The following KMT5B variants were observed in gnomAD, a reference collection of about 807,000 sequenced individuals.
KMT5B encodes the protein lysine methyltransferase 5B.
Under a neutral mutation model 83.2 loss-of-function variants are expected in KMT5B, and 10 were observed. The ratio of observed to expected loss-of-function variants is 0.12; its 90% confidence interval spans 0.07 to 0.20. The LOEUF is 0.20. Ranked by LOEUF, KMT5B falls within the 10% of genes least tolerant of loss-of-function variation. The pLI, the probability that KMT5B is intolerant of heterozygous loss-of-function variation, is 1.00. For missense variants in KMT5B, 753 were observed against 1,067.2 expected (o/e 0.71, Z 4.10); for synonymous variants, 349 against 388.8 (o/e 0.90, Z 1.20).
At chr11:68,202,614 T>G (rs1310910262) in intron 1 of KMT5B, among the ~76,000 whole-genome samples, 1 of 142,142 alleles carries the variant, frequency 7.0e-6, no homozygotes, top group Non-Finnish European at 1.5e-5. Flanking sequence ...AGTGGCTCAA[T>G]CTCAGCTCAC....
intron 1 of KMT5B, among the ~76,000 whole-genome samples, chr11:68,209,805 T>C (rs1860641456): frequency 6.6e-6 from 1 of 152,070 alleles, no homozygotes; most frequent in South Asian, 2.1e-4. Flanking sequence ...GAGCCACGTG[T>C]ACCACCTAGA....
At position 68,175,107 on chromosome 11, in the gene KMT5B, T is replaced by C; in HGVS notation, c.454A>G (p.Lys152Glu). Residue 152 changes from lysine to glutamate, a missense_variant, in exon 5 of 11, where the codon AAA becomes GAA. Around this residue, in one of 9 missense-constraint regions of KMT5B, gnomAD observed 71 missense variants for 107.0 expected, o/e 0.66. Coordinates refer to ENST00000304363, the MANE Select transcript of KMT5B (RefSeq NM_017635.5). ...ERFKKDEHLE[K>E]AFKCLTSGEW... ...CCTGAAGTCAAACATTTGAAGGCTT[T>C]CTCCAAGTGTTCATCTTTCTTAAAA... 6.2e-7 allele frequency: 1 copy of C among 1,613,908 alleles called. No homozygotes were observed. Among genetic ancestry groups the C allele is most frequent in the Non-Finnish European group, 8.5e-7 (1 of 1,179,766 alleles).
At chr11:68,204,084 A>C (rs1859771989) in intron 1 of KMT5B, among the ~76,000 whole-genome samples, 2 of 152,178 alleles carry the variant, frequency 1.3e-5, no homozygotes, top group Admixed American at 1.3e-4. Context: ...CCAAGAGAAT[A>C]GCGTCTGAAG....
chr11:68,200,755 A>T (rs1237578574), intron 1 of KMT5B, among the ~76,000 whole-genome samples: 2 of 152,232 alleles, frequency 1.3e-5, no homozygotes, highest in African/African-American at 4.8e-5. Context: ...TCTGAGTAGG[A>T]AAACGAAGTG....
At chr11:68,197,749 T>C (rs1248695744) in intron 1 of KMT5B, among the ~76,000 whole-genome samples, 3 of 152,212 alleles carry the variant, frequency 2.0e-5, no homozygotes, top group African/African-American at 4.8e-5. Flanking sequence ...TCACAGAACA[T>C]GGCTAAATTT....
chr11:68,195,747 CAGTA>C lies in KMT5B; in HGVS notation c.-76-5599_-76-5596del, dbSNP rs539833330. ...AACATTTTTTTTACTATGTTGTGAC[CAGTA>C]ATTTTTTTTAAATGAAAGAACACAG... On this transcript the variant is annotated intron_variant, in intron 1 of 10. Transcript: ENST00000304363. Among the ~76,000 whole-genome samples the C allele has an allele frequency of 4.0e-4, 61 of 152,168 alleles. 1 individual carries two copies. The highest frequency in any genetic ancestry group is 1.4e-3 in the African/African-American group (59 of 41,500).
intron 1 of KMT5B, among the ~76,000 whole-genome samples, chr11:68,211,109 G>A (rs567091330): frequency 1.2e-4 from 19 of 152,234 alleles, no homozygotes; most frequent in African/African-American, 4.6e-4. Context: ...AGGAAAATCA[G>A]ATTCAACCTC....
rs747527674 is a variant in KMT5B at position 68,189,972 on chromosome 11, C to T, written c.105G>A (p.Thr35=). 3.7e-6 allele frequency: 6 copies of T among 1,614,022 alleles called. No homozygotes were observed. Among genetic ancestry groups the T allele is most frequent in the African/African-American group, 2.7e-5 (2 of 74,894 alleles). The change falls in exon 2 of 11, where the codon ACG becomes ACA. Residue 35 remains threonine, a synonymous_variant. Transcript: ENST00000304363. Reference sequence around the variant, plus strand: ...TGCCAGCCTTCAGGGTGTCCTTCCCCGTGTGCTGTAATTTTGATTGATTCT... The same window carrying T: ...TGCCAGCCTTCAGGGTGTCCTTCCCTGTGTGCTGTAATTTTGATTGATTCT... ...HQQNQSKLQH[T]GKDTLKAGKN... is the part of the protein sequence containing the mutation.
At position 68,158,717 on chromosome 11, in the gene KMT5B, C is replaced by A; in HGVS notation, c.1629G>T (p.Arg543Ser). The A allele has an allele frequency of 6.2e-7, 1 of 1,614,082 alleles. No homozygotes were observed. ...AGGCCTCCTTCAGATTTGTTCTTGT[C>A]CTCACTGACCGCCGAGTTATGTAGG... ...PCTYITRRSV[R>S]TRTNLKEASD... Residue 543 changes from arginine (R) to serine (S), a missense_variant, in exon 11 of 11, where the codon AGG (arginine) becomes AGT (serine). Arg to Ser is a moderately radical substitution (Grantham distance 110). Around this residue, in one of 9 missense-constraint regions of KMT5B, gnomAD observed 397 missense variants for 395.9 expected, o/e 1.00. Transcript: ENST00000304363.
At chr11:68,168,480 C>A (rs1205034101) in intron 9 of KMT5B, among the ~76,000 whole-genome samples, 1 of 151,926 alleles carries the variant, frequency 6.6e-6, no homozygotes, top group Non-Finnish European at 1.5e-5. Flanking sequence ...GAATTATAGG[C>A]GCGCACCACC....
chr11:68,179,861 T>G (rs1200791650), intron 4 of KMT5B: 1 of 416,792 alleles, frequency 2.4e-6, no homozygotes, highest in Admixed American at 3.9e-5. Context: ...AAAACATACC[T>G]GGCTGAGTCC....
chr11:68,204,298 A>G (rs1372515910), intron 1 of KMT5B, among the ~76,000 whole-genome samples: 1 of 152,218 alleles, frequency 6.6e-6, no homozygotes, highest in Non-Finnish European at 1.5e-5. Context: ...GCTACCTTAT[A>G]AGGAAAATGG....
chr11:68,189,682 GTAAC>G (rs1417540461), intron 2 of KMT5B: 1 of 351,336 alleles, frequency 2.8e-6, no homozygotes, highest in East Asian at 4.9e-5. Flanking sequence ...AAAATATAAA[GTAAC>G]AGACAGAAAA....
chr11:68,202,803 T>C (rs371327132), intron 1 of KMT5B, among the ~76,000 whole-genome samples: 1 of 152,058 alleles, frequency 6.6e-6, no homozygotes, highest in East Asian at 1.9e-4. Context: ...CACCTCGGCC[T>C]CCCAAAGTAC....
At chr11:68,164,655 G>A (rs1382068654) in intron 10 of KMT5B, 1 of 514,334 alleles carries the variant, frequency 1.9e-6, no homozygotes, top group South Asian at 1.4e-5. Flanking sequence ...TAGTCATACT[G>A]ATCCTTGGAT....
At chr11:68,174,162 T>C (rs1332558179) in intron 5 of KMT5B, 4 of 580,526 alleles carry the variant, frequency 6.9e-6, no homozygotes, top group Non-Finnish European at 6.5e-6. Flanking sequence ...CAGTGAGCCA[T>C]AATCAGGCCA....
At chr11:68,179,803 G>A (rs912473473) in intron 4 of KMT5B, 10 of 418,864 alleles carry the variant, frequency 2.4e-5, no homozygotes, top group African/African-American at 1.2e-4. Context: ...GTGAGGAGTC[G>A]CAGATCAGCT....
chr11:68,210,928 A>T (rs1057088272), intron 1 of KMT5B, among the ~76,000 whole-genome samples: 1 of 152,168 alleles, frequency 6.6e-6, no homozygotes, highest in Non-Finnish European at 1.5e-5. Flanking sequence ...ACACAGAAAC[A>T]CGAAATAATG....
intron 1 of KMT5B, among the ~76,000 whole-genome samples, chr11:68,207,137 C>G (rs544462054): frequency 6.6e-6 from 1 of 151,454 alleles, no homozygotes; most frequent in Non-Finnish European, 1.5e-5. Flanking sequence ...TGGTGTGAAC[C>G]TGGGAGGCGG....
Sources: allele counts gnomAD v4.1 joint callset (sites outside exome capture counted in the v4.1 genomes callset), GRCh38; gene constraint gnomAD v4.1.1; regional missense constraint gnomAD v4.1.1; transcripts MANE v1.5; gene names NCBI Gene and HGNC (gene_info 2026-07-23, HGNC 2026-07-21).